The following FBXO4 variants were observed in gnomAD, a reference collection of about 807,000 sequenced individuals.
FBXO4 encodes F-box only protein 4.
FBXO4 carries 36 observed loss-of-function variants against 43.7 expected under a neutral mutation model. The ratio of observed to expected loss-of-function variants is 0.82; its 90% confidence interval spans 0.63 to 1.09. The LOEUF is 1.09. Ranked by LOEUF, FBXO4 falls within the 50% of genes least tolerant of loss-of-function variation. The probability of loss-of-function intolerance (pLI) is 0.00; values close to 1 mark genes in which losing one functional copy is unlikely to be tolerated. For synonymous variants in FBXO4, 180 were observed against 165.6 expected (o/e 1.09, Z -0.67); for missense variants, 435 against 474.1 (o/e 0.92, Z 0.77).
downstream of FBXO4, among the ~76,000 whole-genome samples, chr5:41,944,915 G>A (rs1417682389): frequency 2.0e-5 from 3 of 152,200 alleles, no homozygotes; most frequent in Non-Finnish European, 2.9e-5. Flanking sequence ...ACTCCAATTA[G>A]CAAAGTTTCT....
At chr5:41,998,576 A>G in the FBXO4 span, among the ~76,000 whole-genome samples, 1 of 152,202 alleles carries the variant, frequency 6.6e-6, no homozygotes, top group Non-Finnish European at 1.5e-5. Context: ...ATGAGCTGAA[A>G]CATTAAATGC....
At chr5:42,002,008 A>T in the FBXO4 span, among the ~76,000 whole-genome samples, 1 of 152,156 alleles carries the variant, frequency 6.6e-6, no homozygotes, top group Non-Finnish European at 1.5e-5. Flanking sequence ...TTAATTTTTT[A>T]AAAAATAGTT....
the FBXO4 span, among the ~76,000 whole-genome samples, chr5:42,023,447 T>C: frequency 5.3e-5 from 8 of 152,224 alleles, no homozygotes; most frequent in South Asian, 1.7e-3. Context: ...GAGACAATCC[T>C]AGTAGCTTTG....
At chr5:41,975,097 G>C in the FBXO4 span, among the ~76,000 whole-genome samples, 8 of 152,188 alleles carry the variant, frequency 5.3e-5, no homozygotes, top group East Asian at 1.5e-3. Context: ...GTGCTAGTGG[G>C]GTCTATGGAG....
At chr5:41,936,405 G>A (rs943952694) in intron 5 of FBXO4, among the ~76,000 whole-genome samples, 8 of 152,150 alleles carry the variant, frequency 5.3e-5, no homozygotes, top group Admixed American at 3.3e-4. Flanking sequence ...ATGGTGGCAC[G>A]TGCCTGTAGT....
the FBXO4 span, among the ~76,000 whole-genome samples, chr5:42,017,827 C>T: frequency 6.6e-6 from 1 of 151,044 alleles, no homozygotes; most frequent in Non-Finnish European, 1.5e-5. Context: ...ACCGCATTTT[C>T]TTTATCTAAT....
chr5:41,940,672 G>A (rs775603316), intron 6 of FBXO4, among the ~76,000 whole-genome samples: 37 of 152,328 alleles, frequency 2.4e-4, no homozygotes, highest in Non-Finnish European at 4.4e-4. Flanking sequence ...TGCGGAAAAA[G>A]TAAGAGAATT....
chr5:41,957,725 G>C, the FBXO4 span, among the ~76,000 whole-genome samples: 1 of 151,528 alleles, frequency 6.6e-6, no homozygotes, highest in African/African-American at 2.4e-5. Context: ...GCCATCTTTG[G>C]ATTGAGATTT....
chr5:42,006,297 A>G, the FBXO4 span, among the ~76,000 whole-genome samples: 2 of 152,064 alleles, frequency 1.3e-5, no homozygotes, highest in Admixed American at 6.6e-5. Context: ...TTTATTTTCT[A>G]TTATCTTAAA....
chr5:41,987,370 A>C, the FBXO4 span, among the ~76,000 whole-genome samples: 1 of 152,172 alleles, frequency 6.6e-6, no homozygotes, highest in South Asian at 2.1e-4. Context: ...GGGAAGTTAA[A>C]TAATTTTTCA....
chr5:41,951,461 T>G, the FBXO4 span: 1 of 224,370 alleles, frequency 4.5e-6, no homozygotes, highest in Non-Finnish European at 8.8e-6. Context: ...TTCAGGCCAT[T>G]CTGAAACCTC....
rs577694844 is a variant in FBXO4 at position 41,940,665 on chromosome 5, G to A, written c.1075-527G>A. ...AAAATTAAAGTTGGAAACCTTTTGC[G>A]GAAAAAGTAAGAGAATTTTCTTTGT... On this transcript the variant is annotated intron_variant, in intron 6 of 6. Coordinates refer to ENST00000281623, the MANE Select transcript of FBXO4 (RefSeq NM_012176.3). 5.3e-5 allele frequency among the ~76,000 whole-genome samples: 8 copies of A among 152,220 alleles called. No homozygotes were observed. In the South Asian group the frequency reaches 6.2e-4, roughly 12 times the overall value.
chr5:41,935,398 A>G (rs1389023182), intron 5 of FBXO4, among the ~76,000 whole-genome samples: 3 of 152,172 alleles, frequency 2.0e-5, no homozygotes, highest in Admixed American at 6.5e-5. Flanking sequence ...GAAGACAGGT[A>G]TATCCTCCTG....
At chr5:42,005,079 A>T in the FBXO4 span, among the ~76,000 whole-genome samples, 2 of 152,208 alleles carry the variant, frequency 1.3e-5, no homozygotes, top group South Asian at 4.1e-4. Flanking sequence ...TCATCTCCAA[A>T]CTTTCAGCCA....
chr5:41,935,392 A>G (rs910637450), intron 5 of FBXO4, among the ~76,000 whole-genome samples: 1 of 152,190 alleles, frequency 6.6e-6, no homozygotes, highest in Admixed American at 6.5e-5. Flanking sequence ...GTGCTTGAAG[A>G]CAGGTATATC....
At chr5:41,930,863 A>G (rs948536520) in intron 3 of FBXO4, among the ~76,000 whole-genome samples, 1 of 152,030 alleles carries the variant, frequency 6.6e-6, no homozygotes, top group South Asian at 2.1e-4. Context: ...TCACTGTGTT[A>G]GCCAGGATGG....
chr5:42,020,621 T>C, the FBXO4 span, among the ~76,000 whole-genome samples: 3 of 152,332 alleles, frequency 2.0e-5, no homozygotes, highest in African/African-American at 7.2e-5. Context: ...GAGGCTCTTT[T>C]CTCTCTGTTC....
the FBXO4 span, among the ~76,000 whole-genome samples, chr5:41,977,939 T>G: frequency 6.6e-6 from 1 of 152,342 alleles, no homozygotes; most frequent in East Asian, 1.9e-4. Context: ...AGTTTCTGTA[T>G]TAGTCCATTC....
At chr5:41,988,353 G>C in the FBXO4 span, among the ~76,000 whole-genome samples, 1 of 152,114 alleles carries the variant, frequency 6.6e-6, no homozygotes, top group East Asian at 1.9e-4. Context: ...GATCTTTTTA[G>C]GAAGAAGGGA....
Sources: gnomAD v4.1 joint callset for allele counts (sites outside exome capture counted in the v4.1 genomes callset) on GRCh38, gnomAD v4.1.1 for gene constraint, MANE v1.5 for transcripts, NCBI Gene and HGNC (gene_info 2026-07-23, HGNC 2026-07-21) for gene names.